PTBP3: variants seen among roughly 807,000 people sequenced by gnomAD.
PTBP3 encodes the protein polypyrimidine tract-binding protein 3.
A neutral mutation model predicts 58.7 loss-of-function variants in PTBP3; 20 were observed. That is an observed-to-expected ratio of 0.34 (90% CI 0.24 to 0.50). The LOEUF (loss-of-function observed/expected upper bound fraction) is 0.50. Among genes scored for constraint, PTBP3 ranks in the 20% least tolerant of loss-of-function variants. The pLI is 0.98. For synonymous variants in PTBP3, 185 were observed against 219.8 expected, an observed-to-expected ratio of 0.84 and a Z score of 1.40; for missense variants, 509 against 637.2, an observed-to-expected ratio of 0.80 and a Z score of 2.17.
chr9:112,303,384 T>C (rs577019263), intron 1 of PTBP3, among the ~76,000 whole-genome samples: 15 of 152,338 alleles, frequency 9.8e-5, no homozygotes, highest in African/African-American at 3.1e-4. Context: ...ATTCTTCCTG[T>C]ATGTATAATT....
chr9:112,269,011 C>T (rs983306691), intron 3 of PTBP3, among the ~76,000 whole-genome samples: 5 of 151,924 alleles, frequency 3.3e-5, no homozygotes, highest in Admixed American at 2.0e-4. Flanking sequence ...GCCTGGCCAA[C>T]ACAGTGAAAC....
chr9:112,308,970 T>C (rs528095980), intron 1 of PTBP3, among the ~76,000 whole-genome samples: 27 of 152,278 alleles, frequency 1.8e-4, no homozygotes, highest in African/African-American at 6.5e-4. Flanking sequence ...CACAAATAAG[T>C]GTTTCATCAT....
At chr9:112,360,398 C>G in the PTBP3 span, among the ~76,000 whole-genome samples, 14 of 152,216 alleles carry the variant, frequency 9.2e-5, no homozygotes, top group East Asian at 2.7e-3. Flanking sequence ...GTTGCCCAGG[C>G]TGGTCTCATA....
the PTBP3 span, among the ~76,000 whole-genome samples, chr9:112,347,341 C>CT: frequency 0.022 from 2,863 of 130,876 alleles, 129 homozygotes; most frequent in African/African-American, 0.076. Flanking sequence ...ACTGGGATAC[C>CT]TTTTTTTTTT....
At chr9:112,303,430 G>C (rs2132341408) in intron 1 of PTBP3, among the ~76,000 whole-genome samples, 1 of 152,170 alleles carries the variant, frequency 6.6e-6, no homozygotes, top group South Asian at 2.1e-4. Context: ...TGTACACAAA[G>C]TTAGTTCTCA....
the PTBP3 span, among the ~76,000 whole-genome samples, chr9:112,348,566 A>G: frequency 6.6e-6 from 1 of 152,338 alleles, no homozygotes; most frequent in East Asian, 1.9e-4. Flanking sequence ...CGCACAGCCC[A>G]CTCCGAAGGA....
chr9:112,350,356 G>A, the PTBP3 span, among the ~76,000 whole-genome samples: 3 of 151,790 alleles, frequency 2.0e-5, no homozygotes, highest in Non-Finnish European at 4.4e-5. Context: ...AAGTAAATAA[G>A]AAAAAAGATT....
the PTBP3 span, among the ~76,000 whole-genome samples, chr9:112,376,104 T>A: frequency 1.3e-4 from 20 of 149,848 alleles, no homozygotes; most frequent in Admixed American, 1.1e-3. Flanking sequence ...CTTCTCCTGT[T>A]CTGGACCCTA....
chr9:112,230,961 C>G (rs561934488), intron 10 of PTBP3, among the ~76,000 whole-genome samples: 2 of 140,742 alleles, frequency 1.4e-5, no homozygotes, highest in African/African-American at 6.3e-5. Context: ...CGATTTTGAC[C>G]CTACGCAGCT....
intron 6 of PTBP3, 63 bp from the exon 7 acceptor site, chr9:112,251,166 CT>C: frequency 1.5e-6 from 2 of 1,307,550 alleles, no homozygotes; most frequent in Non-Finnish European, 2.0e-6. Flanking sequence ...CAAGAAGCCT[CT>C]ACTTTGACAA....
At chr9:112,333,924 C>G (rs1166770103), upstream of PTBP3, among the ~76,000 whole-genome samples, 1 of 150,312 alleles carries the variant, frequency 6.7e-6, no homozygotes, top group Non-Finnish European at 1.5e-5. Context: ...CTTCCCGCTC[C>G]GCCGCGCACC....
the PTBP3 span, among the ~76,000 whole-genome samples, chr9:112,339,525 A>T: frequency 6.7e-6 from 1 of 149,388 alleles, no homozygotes; most frequent in East Asian, 2.0e-4. Flanking sequence ...TTTTTTCTTT[A>T]CCTTTATTTA....
At chr9:112,342,837 CA>C in the PTBP3 span, among the ~76,000 whole-genome samples, 1 of 131,958 alleles carries the variant, frequency 7.6e-6, no homozygotes, top group Non-Finnish European at 1.6e-5. Context: ...GATCAAGGAC[CA>C]AACAATGACA....
chr9:112,327,732 C>A (rs1174223748), intron 1 of PTBP3, among the ~76,000 whole-genome samples: 2 of 151,136 alleles, frequency 1.3e-5, no homozygotes, highest in African/African-American at 4.9e-5. Flanking sequence ...TGTTACCTGT[C>A]TTCAAGAAAA....
At chr9:112,305,691 A>G (rs1003049671) in intron 1 of PTBP3, among the ~76,000 whole-genome samples, 7 of 152,180 alleles carry the variant, frequency 4.6e-5, no homozygotes, top group African/African-American at 1.4e-4. Flanking sequence ...CTGTAATCTC[A>G]GCACTTTGGG....
chr9:112,285,632 T>C lies in PTBP3; in HGVS notation c.35-9619A>G, dbSNP rs531206511. 5.3e-5 allele frequency among the ~76,000 whole-genome samples: 8 copies of C among 152,328 alleles called. No individual in the cohort carries two copies. In the South Asian group the frequency reaches 1.7e-3, roughly 32 times the overall value. ...ACTACTCAACTGTGCAGTTACGGCA[T>C]GAAAGCAGCTATAAACAAATAATAT... On this transcript the variant is annotated intron_variant, in intron 2 of 13. Coordinates refer to ENST00000374257, the MANE Select transcript of PTBP3 (RefSeq NM_001163788.4).
intron 1 of PTBP3, among the ~76,000 whole-genome samples, chr9:112,313,672 T>C (rs1483310762): frequency 6.6e-6 from 1 of 152,170 alleles, no homozygotes; most frequent in Admixed American, 6.5e-5. Flanking sequence ...GTCCATAAGA[T>C]AACTTACAAC....
At chr9:112,302,478 G>C (rs926745138) in intron 1 of PTBP3, among the ~76,000 whole-genome samples, 1 of 151,392 alleles carries the variant, frequency 6.6e-6, no homozygotes, top group African/African-American at 2.4e-5. Flanking sequence ...CTTTATCTTA[G>C]AGACACTTGA....
chr9:112,332,992 C>T (rs1333626331), intron 1 of PTBP3: 4 of 1,297,648 alleles, frequency 3.1e-6, no homozygotes, highest in African/African-American at 3.1e-5. Flanking sequence ...CGTGTACCGA[C>T]GCGTGCACCC....
Sources: allele counts gnomAD v4.1 joint callset (sites outside exome capture counted in the v4.1 genomes callset), GRCh38; gene constraint gnomAD v4.1.1; transcripts MANE v1.5; gene names NCBI Gene and HGNC (gene_info 2026-07-23, HGNC 2026-07-21).